Variants in PRPF8 observed in about 807,000 individuals in gnomAD.
PRPF8 encodes the protein pre-mRNA-processing-splicing factor 8.
A neutral mutation model predicts 285.9 loss-of-function variants in PRPF8; 64 were observed. The observed-to-expected ratio is 0.22, with a 90% CI of 0.18 to 0.28. The LOEUF (loss-of-function observed/expected upper bound fraction) is 0.28, where lower values mean the gene tolerates loss of function less well. Ranked by LOEUF, PRPF8 falls within the 10% of genes least tolerant of loss-of-function variation. The pLI, the probability that PRPF8 is intolerant of heterozygous loss-of-function variation, is 1.00. For synonymous variants in PRPF8, 1,325 were observed against 1,118.2 expected (o/e 1.18, Z -3.69); for missense variants, 1,426 against 3,026.7 (o/e 0.47, Z 12.41).
chr17:1,680,771 G>A lies in PRPF8; in HGVS notation c.1053C>T (p.Tyr351=). The change falls in exon 8 of 43, where the codon TAC becomes TAT. Residue 351 remains tyrosine (Y), a synonymous_variant. Coordinates refer to ENST00000304992, the MANE Select transcript of PRPF8 (RefSeq NM_006445.4). ...KTEDPDLPAF[Y]FDPLINPISH... The stretch of plus-strand genomic sequence containing the variant: ...AGATTGGGTTGATCAAAGGGTCAAA[G>A]TAGAAAGCTGGCAAGTCAGGATCCT... 1 of 1,614,128 alleles carries A rather than the reference G, an allele frequency of 6.2e-7. No homozygotes were observed. The highest frequency in any genetic ancestry group is 1.1e-5 in the South Asian group (1 of 91,084).
rs761055864 is a variant in PRPF8, at chr17:1,680,733, G to A, written c.1091C>T (p.Ser364Leu). The change falls in exon 8 of 43, where the codon TCA (serine) becomes TTA (leucine). Residue 364 changes from serine (S) to leucine (L), a missense_variant. Physicochemically the swap from Ser to Leu is moderately radical, Grantham distance 145. This residue lies in a region of PRPF8 where 137 missense variants were observed against 161.2 expected (regional missense o/e 0.85). Coordinates refer to ENST00000304992, the MANE Select transcript of PRPF8 (RefSeq NM_006445.4). ...ATCCCTTCCCTTCCTCACCTTGACT[G>A]AGTGCCTATGGGAGATTGGGTTGAT... ...PLINPISHRH[S>L]VKSQEPLPDD... 2 of 1,612,140 alleles carry A rather than the reference G, an allele frequency of 1.2e-6. No homozygotes were observed. Among genetic ancestry groups the A allele is most frequent in the Admixed American group, 3.3e-5 (2 of 60,018 alleles).
intron 3 of PRPF8, among the ~76,000 whole-genome samples, chr17:1,682,660 G>C (rs1200592898): frequency 6.6e-6 from 1 of 152,132 alleles, no homozygotes; most frequent in Non-Finnish European, 1.5e-5. Context: ...CAGGCCACTA[G>C]ACCGCACACT....
In PRPF8 at chr17:1,675,395, C is replaced by T; in HGVS notation, c.2873-56G>A. 1 of 1,586,188 alleles carries T rather than the reference C, an allele frequency of 6.3e-7. No homozygotes were observed. On this transcript the variant is annotated intron_variant, in intron 19 of 42. Transcript: ENST00000304992. The surrounding 1 kb of genome is among the most constrained non-coding windows in gnomAD (Gnocchi z 6.0). ...GTTAGAAATCCTCTTGCAAGACTAG[C>T]CCCACAGGAACTATCATTACCTTCC...
At chr17:1,677,322 C>T in intron 14 of PRPF8, 150 bp from the exon 15 acceptor site, 1 of 977,650 alleles carries the variant, frequency 1.0e-6, no homozygotes, top group Non-Finnish European at 1.6e-6. Flanking sequence ...AAAAGACGAG[C>T]TACCTTAAAC....
chr17:1,666,937 G>A (rs1912022387), intron 24 of PRPF8, among the ~76,000 whole-genome samples: 1 of 152,172 alleles, frequency 6.6e-6, no homozygotes, highest in Non-Finnish European at 1.5e-5. Flanking sequence ...CACTTTGGGA[G>A]GCCGAGGCGG....
intron 20 of PRPF8, 23 bp from the exon 21 acceptor site, chr17:1,674,703 C>T (rs1912518910): frequency 1.2e-6 from 2 of 1,602,700 alleles, no homozygotes; most frequent in African/African-American, 1.3e-5. Flanking sequence ...AACTACAATT[C>T]TTAAGAATGT....
intron 2 of PRPF8, 35 bp from the exon 3 acceptor site, chr17:1,683,736 C>T (rs1349965043): frequency 1.9e-6 from 3 of 1,611,966 alleles, no homozygotes; most frequent in Non-Finnish European, 2.5e-6. Context: ...GCCTGCACAC[C>T]CTCCCCCTAA....
chr17:1,681,076 A>C (rs1406371571), intron 6 of PRPF8, 22 bp from the exon 7 acceptor site: 1 of 1,611,424 alleles, frequency 6.2e-7, no homozygotes. Flanking sequence ...CATCAAGAAT[A>C]AGCAGACTTT....
In PRPF8 at chr17:1,661,870, CAATAGGGTTTAGA is replaced by C. The variant is rs1567680215; in HGVS notation, c.4022+23_4022+35del. ...ATACCCACTTCCCTTAGGGCCTGAG[CAATAGGGTTTAGA>C]AATACGTTGAACCAGGCTGTACCTG... On this transcript the variant is annotated intron_variant, in intron 25 of 42. Transcript: ENST00000304992. This position sits in a 1 kb window ranked among gnomAD's most constrained non-coding sequence, Gnocchi z 7.3. 2 of 1,614,026 alleles carry C rather than the reference CAATAGGGTTTAGA, an allele frequency of 1.2e-6. No individual in the cohort carries two copies. The highest frequency in any genetic ancestry group is 1.7e-6 in the Non-Finnish European group (2 of 1,180,040).
chr17:1,680,040 C>T (rs573565698), intron 8 of PRPF8, among the ~76,000 whole-genome samples: 1 of 152,268 alleles, frequency 6.6e-6, no homozygotes, highest in South Asian at 2.1e-4. Flanking sequence ...AGAAAGCCTC[C>T]CAATGGAGCC....
chr17:1,680,527 G>A (rs1326176159), intron 8 of PRPF8, 199 bp downstream of exon 8: 13 of 649,134 alleles, frequency 2.0e-5, no homozygotes, highest in Non-Finnish European at 3.6e-5. Flanking sequence ...AAGTCCAAAA[G>A]GATAATCACA....
At chr17:1,660,390 G>A in intron 30 of PRPF8, 42 bp downstream of exon 30, 1 of 1,612,076 alleles carries the variant, frequency 6.2e-7, no homozygotes, top group Non-Finnish European at 8.5e-7. Flanking sequence ...TTCCACCTGA[G>A]CTGACTCTCT....
Position 1,661,660 on chromosome 17 carries a change from C to T in PRPF8, c.4153G>A (p.Val1385Ile), listed in dbSNP as rs780033099. ...WESEFIDSQR[V>I]WAEYALKRQE... ...CTCTTGAGTGCGTACTCAGCCCAGA[C>T]CCGCTGAGAATCAATGAACTCGCTC... Residue 1385 changes from valine to isoleucine, a missense_variant, in exon 26 of 43, where the codon GTC becomes ATC. Val to Ile is a conservative substitution (Grantham distance 29). Coordinates refer to ENST00000304992, the MANE Select transcript of PRPF8 (RefSeq NM_006445.4). The surrounding 1 kb of genome is among the most constrained non-coding windows in gnomAD (Gnocchi z 7.3). The T allele has an allele frequency of 6.2e-7, 1 of 1,614,008 alleles. No homozygotes were observed.
Position 1,684,797 on chromosome 17 carries a change from A to T in PRPF8, c.-29T>A. 1.7e-6 allele frequency: 1 copy of T among 599,424 alleles called. No individual in the cohort carries two copies. The highest frequency in any genetic ancestry group is 3.0e-6 in the Non-Finnish European group (1 of 335,152). 37.1% of individuals were successfully genotyped at this position (599,424 alleles called of 1,614,324 possible). The stretch of plus-strand genomic sequence containing the variant: ...CCACGCACCCCACAGGCCCTCACAC[A>T]AGAGGCCGCTTTCCCCGCAGCGCAA... On this transcript the variant is annotated 5_prime_UTR_variant, in exon 1 of 43. Coordinates refer to ENST00000304992, the MANE Select transcript of PRPF8 (RefSeq NM_006445.4).
chr17:1,669,160 G>GT (rs762785658), intron 24 of PRPF8, among the ~76,000 whole-genome samples: 5 of 152,200 alleles, frequency 3.3e-5, no homozygotes, highest in Non-Finnish European at 7.3e-5. Context: ...AGGCTGGGGT[G>GT]CAGTGGCACG....
At chr17:1,684,445 G>C in intron 2 of PRPF8, 27 bp downstream of exon 2, 1 of 1,611,244 alleles carries the variant, frequency 6.2e-7, no homozygotes, top group Non-Finnish European at 8.5e-7. Flanking sequence ...CCTCCGGCCC[G>C]CGCGCCGCTC....
Position 1,650,769 on chromosome 17 carries a change from C to T in PRPF8, c.*33G>A, listed in dbSNP as rs377405986. ...TGTCTGGAGGGGCTGAGGCTTCGGC[C>T]TCGGGAGGCTGAAGCAGGAGGCAGG... On this transcript the variant is annotated 3_prime_UTR_variant, in exon 43 of 43. Coordinates refer to ENST00000304992, the MANE Select transcript of PRPF8 (RefSeq NM_006445.4). 3.7e-6 allele frequency: 6 copies of T among 1,612,886 alleles called. No homozygotes were observed. The African/African-American group carries it at 8.0e-5, about 22-fold the overall frequency.
At position 1,658,152 on chromosome 17, in the gene PRPF8, T is replaced by G. The variant is rs1428873176; in HGVS notation, c.5505+101A>C. The G allele has an allele frequency of 1.9e-6, 3 of 1,555,984 alleles. No homozygotes were observed. In the African/African-American group the frequency reaches 4.1e-5, roughly 21 times the overall value. On this transcript the variant is annotated intron_variant, in intron 34 of 42. Transcript: ENST00000304992. The surrounding 1 kb of genome is among the most constrained non-coding windows in gnomAD (Gnocchi z 4.1). The stretch of plus-strand genomic sequence containing the variant: ...TTGGGGATAAGTTCAAATGAGATGT[T>G]CTCAGCCTTTCATCTAATAAACCAG...
In PRPF8 at chr17:1,659,993, G is replaced by A; in HGVS notation, c.4794C>T (p.Asp1598=). 1 of 1,614,058 alleles carries A rather than the reference G, an allele frequency of 6.2e-7. No individual in the cohort carries two copies. Among genetic ancestry groups the A allele is most frequent in the Admixed American group, 1.7e-5 (1 of 60,018 alleles). The change falls in exon 31 of 43, where the codon GAC becomes GAT. Residue 1598 remains aspartate (D), a synonymous_variant. Transcript: ENST00000304992. This position sits in a 1 kb window ranked among gnomAD's most constrained non-coding sequence, Gnocchi z 5.1. ...SIVMDLCQVF[D]QELDALEIET... is the part of the protein sequence containing the mutation. ...CAATTTCCAGTGCATCAAGTTCCTGGTCAAACACCTGAAGGAAAACATGGA... is the reference window on the plus strand; with the variant it reads ...CAATTTCCAGTGCATCAAGTTCCTGATCAAACACCTGAAGGAAAACATGGA...
Sources: allele counts gnomAD v4.1 joint callset (sites outside exome capture counted in the v4.1 genomes callset), GRCh38; gene constraint gnomAD v4.1.1; regional missense constraint gnomAD v4.1.1; non-coding constraint Gnocchi (gnomAD v3.1); transcripts MANE v1.5; gene names NCBI Gene and HGNC (gene_info 2026-07-23, HGNC 2026-07-21).